SDC1: variants seen among roughly 807,000 people sequenced by gnomAD.
The protein encoded by SDC1 is syndecan 1.
SDC1 carries 14 observed loss-of-function variants against 29.7 expected under a neutral mutation model. That is an observed-to-expected ratio of 0.47 (90% CI 0.31 to 0.74). The LOEUF is 0.74. SDC1 is among the 30% of genes least tolerant of loss of function. The probability of loss-of-function intolerance (pLI) is 0.05; values close to 1 mark genes in which losing one functional copy is unlikely to be tolerated. For missense variants in SDC1, 406 were observed against 400.3 expected (o/e 1.01, Z -0.12); for synonymous variants, 204 against 175.5 (o/e 1.16, Z -1.29).
At chr2:20,219,915 C>T (rs113944701) in intron 1 of SDC1, among the ~76,000 whole-genome samples, 4 of 152,208 alleles carry the variant, frequency 2.6e-5, no homozygotes, top group African/African-American at 2.4e-5. Context: ...CCACCACCCG[C>T]GCCATGCTGC....
intron 1 of SDC1, among the ~76,000 whole-genome samples, chr2:20,207,629 C>T (rs752065638): frequency 9.2e-5 from 14 of 152,186 alleles, no homozygotes; most frequent in South Asian, 2.1e-4. Flanking sequence ...CCCCTGAATC[C>T]GGGAGGCAAG....
At chr2:20,219,979 G>A (rs922525316) in intron 1 of SDC1, among the ~76,000 whole-genome samples, 1 of 152,300 alleles carries the variant, frequency 6.6e-6, no homozygotes, top group East Asian at 1.9e-4. Flanking sequence ...TTTCCCCAGC[G>A]CCCAAGGTAA....
chr2:20,203,262 C>A, intron 3 of SDC1, 40 bp from the exon 4 acceptor site: 1 of 1,567,368 alleles, frequency 6.4e-7, no homozygotes, highest in Middle Eastern at 1.7e-4. Context: ...GCCAGGTCAC[C>A]GCCAGCAGCA....
At chr2:20,216,025 G>C (rs557202472) in intron 1 of SDC1, among the ~76,000 whole-genome samples, 1 of 152,354 alleles carries the variant, frequency 6.6e-6, no homozygotes, top group African/African-American at 2.4e-5. Context: ...CTCCAGACAA[G>C]ATCTCTAAGA....
chr2:20,218,554 C>CACAGAGACACACATATACACGG, intron 1 of SDC1, among the ~76,000 whole-genome samples: 1 of 149,994 alleles, frequency 6.7e-6, no homozygotes, highest in African/African-American at 2.5e-5. Context: ...GACACACACA[C>CACAGAGACACACATATACACGG]ACAGAGACAC....
At chr2:20,214,539 G>A (rs1356214555) in intron 1 of SDC1, among the ~76,000 whole-genome samples, 1 of 152,170 alleles carries the variant, frequency 6.6e-6, no homozygotes, top group African/African-American at 2.4e-5. Flanking sequence ...TGATGGGCTG[G>A]CAGATCTGCA....
chr2:20,202,172 A>G lies in SDC1; in HGVS notation c.*594T>C. 1 of 673,094 alleles carries G rather than the reference A, an allele frequency of 1.5e-6. No homozygotes were observed. The highest frequency in any genetic ancestry group is 1.7e-5 in the South Asian group (1 of 59,622). The allele number at this position is 673,094 out of a possible 1,614,324, so 41.7% of individuals were successfully genotyped here. On this transcript the variant is annotated 3_prime_UTR_variant, in exon 5 of 5. Transcript: ENST00000254351. ...TAGATTAGGGAAGCAAGATGGGGGG[A>G]TACCGAATCAACTTACTTAACTTAC...
rs1179103905 is a variant in SDC1 at position 20,225,012 on chromosome 2, G to T, written c.-145C>A. The T allele has an allele frequency of 1.5e-5, 16 of 1,038,658 alleles. No homozygotes were observed. Among genetic ancestry groups the T allele is most frequent in the South Asian group, 4.9e-5 (1 of 20,580 alleles). The allele number at this position is 1,038,658 out of a possible 1,614,324, so 64.3% of individuals were successfully genotyped here. A position where few individuals can be genotyped will look rare whatever the true frequency, so the allele number is the denominator to read the frequency against. On this transcript the variant is annotated 5_prime_UTR_variant, in exon 1 of 5. Transcript: ENST00000254351. ...GCGAGGGCTGCAGGGTCCGCCGGCT[G>T]GAGTCCGCTCTCTACTGCCGGATTC...
At chr2:20,213,329 G>A (rs1156873031) in intron 1 of SDC1, among the ~76,000 whole-genome samples, 3 of 152,330 alleles carry the variant, frequency 2.0e-5, no homozygotes, top group Admixed American at 6.5e-5. Flanking sequence ...ATCCAGGCAG[G>A]CGATGAGCAA....
chr2:20,209,734 C>T (rs529545662), intron 1 of SDC1, among the ~76,000 whole-genome samples: 40 of 152,386 alleles, frequency 2.6e-4, no homozygotes, highest in African/African-American at 8.2e-4. Flanking sequence ...CTCTCCTTGG[C>T]AACCTCCGTC....
At chr2:20,220,526 A>C (rs1357701617) in intron 1 of SDC1, among the ~76,000 whole-genome samples, 1 of 152,220 alleles carries the variant, frequency 6.6e-6, no homozygotes, top group East Asian at 1.9e-4. Flanking sequence ...AGTACTGAGC[A>C]CTCAACAGTA....
At chr2:20,211,299 C>T (rs1228481864) in intron 1 of SDC1, among the ~76,000 whole-genome samples, 1 of 152,174 alleles carries the variant, frequency 6.6e-6, no homozygotes, top group Non-Finnish European at 1.5e-5. Flanking sequence ...AAGGCATCCC[C>T]CAGAGTGGCC....
intron 1 of SDC1, among the ~76,000 whole-genome samples, chr2:20,210,170 C>T (rs1416885207): frequency 5.3e-5 from 8 of 152,182 alleles, no homozygotes; most frequent in South Asian, 2.1e-4. Flanking sequence ...GGTGAAACCC[C>T]GTCTCTACTA....
At chr2:20,218,644 C>T (rs527604866) in intron 1 of SDC1, among the ~76,000 whole-genome samples, 5,569 of 151,470 alleles carry the variant, frequency 0.037, 334 homozygotes, top group African/African-American at 0.13. Context: ...CACACAGACA[C>T]ACACACACAC....
In SDC1 at chr2:20,203,946, G is replaced by C. The variant is rs776416247; in HGVS notation, c.494C>G (p.Ser165Ter). The C allele has an allele frequency of 6.2e-7, 1 of 1,613,952 alleles. No homozygotes were observed. The highest frequency in any genetic ancestry group is 1.3e-5 in the African/African-American group (1 of 74,924). ...RDMQPGHHET[S>*]TPAGPSQADL... ...AGCTTGGCTGGGTCCTGCAGGGGTT[G>C]AGGTCTCATGGTGGCCAGGCTGCAT... is the stretch of plus-strand genomic sequence containing the variant. Residue 165 changes from serine (S) to a stop codon, truncating the protein, a stop_gained, in exon 3 of 5, where the codon TCA (serine) becomes TGA (stop). Transcript: ENST00000254351. LOFTEE classifies it high-confidence loss of function.
intron 2 of SDC1, among the ~76,000 whole-genome samples, chr2:20,204,574 G>A (rs1381938154): frequency 6.6e-6 from 1 of 152,054 alleles, no homozygotes. Flanking sequence ...GACCACAGGG[G>A]TGGGGTGGGC....
At chr2:20,216,391 C>CA (rs140286906) in intron 1 of SDC1, among the ~76,000 whole-genome samples, 108 of 152,330 alleles carry the variant, frequency 7.1e-4, no homozygotes, top group African/African-American at 2.5e-3. Context: ...GTCACCATCA[C>CA]AGCAGCACTG....
At chr2:20,209,459 G>C (rs973435441) in intron 1 of SDC1, among the ~76,000 whole-genome samples, 1 of 152,224 alleles carries the variant, frequency 6.6e-6, no homozygotes, top group African/African-American at 2.4e-5. Flanking sequence ...CAGTGGGATG[G>C]AGTTTCACTG....
chr2:20,218,574 C>T (rs1305688781), intron 1 of SDC1, among the ~76,000 whole-genome samples: 4 of 150,852 alleles, frequency 2.7e-5, no homozygotes, highest in East Asian at 1.9e-4. Flanking sequence ...CACATATACA[C>T]GGACACAGAC....
Sources: allele counts gnomAD v4.1 joint callset (sites outside exome capture counted in the v4.1 genomes callset), GRCh38; gene constraint gnomAD v4.1.1; transcripts MANE v1.5; gene names NCBI Gene and HGNC (gene_info 2026-07-23, HGNC 2026-07-21).